The following TAB2 variants were observed in gnomAD, a reference collection of about 807,000 sequenced individuals.
TAB2 encodes TGF-beta activated kinase 1 (MAP3K7) binding protein 2.
Under a neutral mutation model 65.0 loss-of-function variants are expected in TAB2, and 3 were observed. The ratio of observed to expected loss-of-function variants is 0.05; its 90% CI spans 0.02 to 0.12. The LOEUF (loss-of-function observed/expected upper bound fraction) is 0.12, where lower values mean the gene tolerates loss of function less well. Among genes scored for constraint, TAB2 ranks in the 10% least tolerant of loss-of-function variants. The probability of loss-of-function intolerance (pLI) is 1.00; values close to 1 mark genes in which losing one functional copy is unlikely to be tolerated. For synonymous variants in TAB2, 298 were observed against 285.1 expected, an observed-to-expected ratio of 1.05 and a Z score of -0.46; for missense variants, 623 against 840.3, an observed-to-expected ratio of 0.74 and a Z score of 3.20.
chr6:149,410,193 G>A lies in TAB2; in HGVS notation c.*474G>A, dbSNP rs1782800869. 5.7e-6 allele frequency: 1 copy of A among 175,206 alleles called. No homozygotes were observed. The highest frequency in any genetic ancestry group is 2.4e-5 in the African/African-American group (1 of 41,772). 10.9% of individuals were successfully genotyped at this position (175,206 alleles called of 1,614,324 possible). A position where few individuals can be genotyped will look rare whatever the true frequency, so the allele number is the denominator to read the frequency against. ...TGCTGCCGCATAGTGCCATTGGATA[G>A]GGAAGAACTTCAGAAATCTGTGGTA... On this transcript the variant is annotated 3_prime_UTR_variant, in exon 7 of 7. Coordinates refer to ENST00000637181, the MANE Select transcript of TAB2 (RefSeq NM_001292034.3).
chr6:149,347,002 C>G (rs55763048), intron 1 of TAB2, among the ~76,000 whole-genome samples: 5,091 of 152,052 alleles, frequency 0.033, 294 homozygotes, highest in African/African-American at 0.12. Flanking sequence ...TATTTATGCA[C>G]AGGATAGATT....
intron 1 of TAB2, among the ~76,000 whole-genome samples, chr6:149,367,229 G>A (rs1182357263): frequency 1.3e-5 from 2 of 152,046 alleles, no homozygotes; most frequent in East Asian, 3.8e-4. Context: ...GTGCAATGGT[G>A]GGAGATGGGG....
At chr6:149,294,864 A>C (rs1196338851) in intron 1 of TAB2, among the ~76,000 whole-genome samples, 1 of 152,224 alleles carries the variant, frequency 6.6e-6, no homozygotes, top group Non-Finnish European at 1.5e-5. Flanking sequence ...GAATTGTGAC[A>C]ATCAAATAAG....
chr6:149,306,480 A>C lies in TAB2; in HGVS notation c.-120-71538A>C, dbSNP rs552108142. ...CAGAAGAATGGCCTCATTCTAGTGA[A>C]CCAGGAGGCGGAGCTTGCAGTGAGC... On this transcript the variant is annotated intron_variant, in intron 1 of 1. Coordinates refer to the TAB2 transcript ENST00000606202. Among the ~76,000 whole-genome samples the C allele has an allele frequency of 2.7e-3, 409 of 151,208 alleles. 2 individuals carry two copies. In the Middle Eastern group the frequency reaches 0.028, roughly 10 times the overall value.
chr6:149,390,993 A>G (rs971522967), intron 3 of TAB2, among the ~76,000 whole-genome samples: 2 of 152,108 alleles, frequency 1.3e-5, no homozygotes, highest in African/African-American at 4.8e-5. Context: ...TACAGTCGCC[A>G]TTCTTGGATC....
At chr6:149,395,837 AC>A (rs1356876930) in intron 3 of TAB2, among the ~76,000 whole-genome samples, 1 of 152,086 alleles carries the variant, frequency 6.6e-6, no homozygotes, top group Non-Finnish European at 1.5e-5. Context: ...TGTTGGAAAT[AC>A]CTTTATTCAT....
At chr6:149,321,008 G>A (rs1779437475) in intron 1 of TAB2, 1 of 152,182 alleles carries the variant, frequency 6.6e-6, no homozygotes, top group Admixed American at 6.5e-5. Context: ...ACAGTAATAA[G>A]GAGGAGGAGA....
chr6:149,391,704 G>C (rs1362569387), intron 3 of TAB2, among the ~76,000 whole-genome samples: 1 of 151,766 alleles, frequency 6.6e-6, no homozygotes, highest in Non-Finnish European at 1.5e-5. Context: ...ACCATGCCTG[G>C]CTAATTTTTT....
chr6:149,311,790 T>C (rs510343), intron 1 of TAB2, among the ~76,000 whole-genome samples: 92,100 of 145,828 alleles, frequency 0.63, 42,677 homozygotes, highest in African/African-American at 0.78. Context: ...TATATTGGAA[T>C]CTAGTCTCAA....
At chr6:149,396,179 G>A (rs998249543) in intron 3 of TAB2, among the ~76,000 whole-genome samples, 19 of 151,994 alleles carry the variant, frequency 1.3e-4, no homozygotes, top group East Asian at 5.8e-4. Context: ...CACCACGCCC[G>A]GCAACTTTTT....
In TAB2 at chr6:149,368,543, A is replaced by G. The variant is rs774720440; in HGVS notation, c.-89-1366A>G. Among the ~76,000 whole-genome samples, 85 of 152,194 alleles carry G rather than the reference A, an allele frequency of 5.6e-4. 1 individual carries two copies. The highest frequency in any genetic ancestry group is 1.9e-4 in the East Asian group (1 of 5,180). On this transcript the variant is annotated intron_variant, in intron 1 of 6. Transcript: ENST00000637181. Reference sequence around the variant, plus strand: ...TCCTTAAAATGAGCAGTTCTATAGCATGATTGTCGCCACTTAAATTATTTT... The same window carrying G: ...TCCTTAAAATGAGCAGTTCTATAGCGTGATTGTCGCCACTTAAATTATTTT...
intron 3 of TAB2, among the ~76,000 whole-genome samples, chr6:149,390,124 A>G (rs1054908755): frequency 2.6e-5 from 4 of 152,232 alleles, no homozygotes; most frequent in Non-Finnish European, 4.4e-5. Context: ...ATAAGTGACT[A>G]TGGTAATACA....
intron 1 of TAB2, among the ~76,000 whole-genome samples, chr6:149,257,904 C>T (rs1315432620): frequency 6.6e-6 from 1 of 152,104 alleles, no homozygotes; most frequent in Non-Finnish European, 1.5e-5. Context: ...GGTACACAGA[C>T]TGGTCAGGAA....
chr6:149,279,395 A>G (rs2121349), intron 1 of TAB2, among the ~76,000 whole-genome samples: 78,970 of 151,740 alleles, frequency 0.52, 22,854 homozygotes, highest in African/African-American at 0.78. Context: ...TTCTTCCTCC[A>G]TACGCTTACC....
intron 1 of TAB2, among the ~76,000 whole-genome samples, chr6:149,242,507 A>G (rs750291163): frequency 1.9e-4 from 29 of 152,196 alleles, no homozygotes; most frequent in Non-Finnish European, 2.6e-4. Flanking sequence ...ATTTCTCCCA[A>G]TGAAAGAATA....
chr6:149,285,261 C>A (rs1183860098), intron 1 of TAB2, among the ~76,000 whole-genome samples: 1 of 152,162 alleles, frequency 6.6e-6, no homozygotes, highest in Non-Finnish European at 1.5e-5. Flanking sequence ...CAACAGTACC[C>A]TAATGGGCAG....
At chr6:149,238,022 G>A (rs888894915) in intron 1 of TAB2, among the ~76,000 whole-genome samples, 8 of 152,104 alleles carry the variant, frequency 5.3e-5, no homozygotes, top group South Asian at 4.2e-4. Context: ...CTTCCTCTCC[G>A]TGGTATTTAG....
chr6:149,359,486 G>A (rs907635425), intron 1 of TAB2, among the ~76,000 whole-genome samples: 3 of 152,130 alleles, frequency 2.0e-5, no homozygotes, highest in Non-Finnish European at 2.9e-5. Context: ...TGGCTTCTAT[G>A]TGGCAATGGA....
intron 1 of TAB2, chr6:149,245,146 C>T (rs1777684572): frequency 6.6e-6 from 1 of 152,246 alleles, no homozygotes; most frequent in Non-Finnish European, 1.5e-5. Context: ...TGAGAAGCAA[C>T]ATTTTTGGAA....
Sources: gnomAD v4.1 joint callset for allele counts (sites outside exome capture counted in the v4.1 genomes callset) on GRCh38, gnomAD v4.1.1 for gene constraint, MANE v1.5 for transcripts, NCBI Gene and HGNC (gene_info 2026-07-23, HGNC 2026-07-21) for gene names.